The following INSR variants were observed in gnomAD, a reference collection of about 807,000 sequenced individuals.
INSR encodes the protein insulin receptor.
Under a neutral mutation model 142.6 loss-of-function variants are expected in INSR, and 67 were observed. That is an observed-to-expected ratio of 0.47 (90% CI 0.39 to 0.58). The LOEUF (loss-of-function observed/expected upper bound fraction) is 0.58, where lower values mean the gene tolerates loss of function less well. Among genes scored for constraint, INSR ranks in the 20% least tolerant of loss-of-function variants. The pLI is 0.00. For synonymous variants in INSR, 756 were observed against 743.1 expected, an observed-to-expected ratio of 1.02 and a Z score of -0.28; for missense variants, 1,248 against 1,833.2, an observed-to-expected ratio of 0.68 and a Z score of 5.83.
intron 1 of INSR, among the ~76,000 whole-genome samples, chr19:7,276,391 C>T (rs924909551): frequency 3.3e-5 from 5 of 152,102 alleles, no homozygotes; most frequent in African/African-American, 1.2e-4. Context: ...AGCAGTCCTG[C>T]GTCGGCCTCC....
chr19:7,164,009 G>C (rs1349421028), intron 8 of INSR, among the ~76,000 whole-genome samples: 1 of 140,372 alleles, frequency 7.1e-6, no homozygotes, highest in Non-Finnish European at 1.5e-5. Context: ...TGAGGCAGGA[G>C]AATCTTGAAC....
intron 2 of INSR, among the ~76,000 whole-genome samples, chr19:7,265,625 C>G (rs944510924): frequency 2.6e-5 from 4 of 151,612 alleles, no homozygotes; most frequent in African/African-American, 9.7e-5. Flanking sequence ...ATCCCAGCTA[C>G]TTGGGAGGCT....
rs1972806622 is a variant in INSR at position 7,132,307 on chromosome 19, A to C, written c.2693T>G (p.Leu898Arg). Residue 898 changes from leucine to arginine, a missense_variant, in exon 14 of 22, where the codon CTC becomes CGC. Physicochemically the swap from Leu to Arg is moderately radical, Grantham distance 102. Around this residue, in one of 3 missense-constraint regions of INSR, gnomAD observed 1,069 missense variants for 1,654.0 expected, o/e 0.65. Transcript: ENST00000302850. The stretch of plus-strand genomic sequence containing the variant: ...AGCGAAGTGCTTGCGGGAGACGCAG[A>C]GATGCAGCTCCTGGGAGGAAGAGAG... ...YRRYGDEELH[L>R]CVSRKHFALE... The C allele has an allele frequency of 6.2e-7, 1 of 1,613,926 alleles. No individual in the cohort carries two copies. The highest frequency in any genetic ancestry group is 8.5e-7 in the Non-Finnish European group (1 of 1,180,014).
intron 3 of INSR, among the ~76,000 whole-genome samples, chr19:7,180,815 G>A (rs1466505772): frequency 6.6e-6 from 1 of 152,142 alleles, no homozygotes; most frequent in African/African-American, 2.4e-5. Context: ...CGGCCAGGGG[G>A]CACCGGAATG....
At position 7,237,185 on chromosome 19, in the gene INSR, T is replaced by C. The variant is rs191977046; in HGVS notation, c.652+30160A>G. Among the ~76,000 whole-genome samples the C allele has an allele frequency of 1.3e-3, 202 of 152,038 alleles. 2 individuals carry two copies. The highest frequency in any genetic ancestry group is 4.5e-3 in the African/African-American group (188 of 41,496). On this transcript the variant is annotated intron_variant, in intron 2 of 21. Coordinates refer to ENST00000302850, the MANE Select transcript of INSR (RefSeq NM_000208.4). Reference sequence around the variant, plus strand: ...ATCACCACGAAATAATTTACTCATATAACCAAATACCACCTGTTCCCCCAA... The same window carrying C: ...ATCACCACGAAATAATTTACTCATACAACCAAATACCACCTGTTCCCCCAA...
chr19:7,153,708 AC>A (rs750783239), intron 9 of INSR, among the ~76,000 whole-genome samples: 8 of 151,932 alleles, frequency 5.3e-5, no homozygotes, highest in Non-Finnish European at 1.2e-4. Context: ...ACAGAGTAGA[AC>A]CCTGTCTCAA....
rs1335108914 is a variant in INSR, at chr19:7,123,000, A to G, written c.3259-11T>C. On this transcript the variant is annotated splice_polypyrimidine_tract_variant and intron_variant, in intron 17 of 21. Coordinates refer to ENST00000302850, the MANE Select transcript of INSR (RefSeq NM_000208.4). Reference sequence around the variant, plus strand: ...TCCCAGGAGGCGCACCTGCAGAGCAAGCAACCAGGGTTCTTGGAGGAGGGT... The same window carrying G: ...TCCCAGGAGGCGCACCTGCAGAGCAGGCAACCAGGGTTCTTGGAGGAGGGT... 6.3e-7 allele frequency: 1 copy of G among 1,581,890 alleles called. No homozygotes were observed. Among genetic ancestry groups the G allele is most frequent in the South Asian group, 1.1e-5 (1 of 87,338 alleles).
intron 3 of INSR, among the ~76,000 whole-genome samples, chr19:7,181,530 G>C (rs954481147): frequency 6.6e-6 from 1 of 151,146 alleles, no homozygotes; most frequent in Non-Finnish European, 1.5e-5. Context: ...ATCCCAGCAG[G>C]TACTTTGGAA....
chr19:7,119,732 G>T lies in INSR; in HGVS notation c.3660-149C>A. The T allele has an allele frequency of 1.2e-6, 1 of 848,254 alleles. No individual in the cohort carries two copies. The highest frequency in any genetic ancestry group is 1.9e-6 in the Non-Finnish European group (1 of 523,394). 52.5% of individuals were successfully genotyped at this position (848,254 alleles called of 1,614,324 possible). ...CAAACACACACATGCAAACACACAC[G>T]CACATACACGTGCACACACATGCAA... On this transcript the variant is annotated intron_variant, in intron 20 of 21. Transcript: ENST00000302850. The surrounding 1 kb of genome is among the most constrained non-coding windows in gnomAD (Gnocchi z 5.2).
At chr19:7,219,691 AAAAAG>A (rs1975553757) in intron 2 of INSR, among the ~76,000 whole-genome samples, 1 of 152,190 alleles carries the variant, frequency 6.6e-6, no homozygotes, top group Admixed American at 6.5e-5. Context: ...GAAAATGAAA[AAAAAG>A]AAAAGAACGA....
intron 13 of INSR, among the ~76,000 whole-genome samples, chr19:7,134,786 T>C (rs1461384808): frequency 6.6e-6 from 1 of 151,936 alleles, no homozygotes; most frequent in African/African-American, 2.4e-5. Flanking sequence ...AAATGTGGTA[T>C]ACTTTGCCTC....
At chr19:7,224,918 T>A (rs1975733313) in intron 2 of INSR, among the ~76,000 whole-genome samples, 1 of 129,376 alleles carries the variant, frequency 7.7e-6, no homozygotes, top group Admixed American at 9.4e-5. Flanking sequence ...CCAAACTGCA[T>A]CAGAGGTGGG....
chr19:7,277,825 C>T (rs1488879778), intron 1 of INSR, among the ~76,000 whole-genome samples: 2 of 149,898 alleles, frequency 1.3e-5, no homozygotes, highest in Non-Finnish European at 3.0e-5. Flanking sequence ...GACACGGTGG[C>T]TCACGCCTGT....
chr19:7,247,223 G>A lies in INSR; in HGVS notation c.652+20122C>T, dbSNP rs559496724. Among the ~76,000 whole-genome samples, 54 of 152,202 alleles carry A rather than the reference G, an allele frequency of 3.5e-4. No individual in the cohort carries two copies. The South Asian group carries it at 0.011, about 30-fold the overall frequency. On this transcript the variant is annotated intron_variant, in intron 2 of 21. Coordinates refer to ENST00000302850, the MANE Select transcript of INSR (RefSeq NM_000208.4). ...AACTCAGGCTGGGGTTCTCTCCCAC[G>A]GCCCCTTCCCCATCCTTAATCCACT...
At chr19:7,254,188 GC>G (rs1308796269) in intron 2 of INSR, among the ~76,000 whole-genome samples, 1 of 151,946 alleles carries the variant, frequency 6.6e-6, no homozygotes, top group Non-Finnish European at 1.5e-5. Flanking sequence ...GGGCAACATA[GC>G]AAAATCCCCA....
intron 2 of INSR, among the ~76,000 whole-genome samples, chr19:7,186,968 G>A (rs888147088): frequency 6.6e-6 from 1 of 151,742 alleles, no homozygotes; most frequent in African/African-American, 2.4e-5. Context: ...CTCCCAAAGT[G>A]CAGGGATTAC....
At chr19:7,214,452 A>G (rs552017504) in intron 2 of INSR, among the ~76,000 whole-genome samples, 2 of 152,344 alleles carry the variant, frequency 1.3e-5, no homozygotes, top group South Asian at 4.1e-4. Context: ...AGCCTTCCCA[A>G]GGTCACCAAG....
At chr19:7,139,267 T>C (rs1306263872) in intron 13 of INSR, among the ~76,000 whole-genome samples, 1 of 152,202 alleles carries the variant, frequency 6.6e-6, no homozygotes, top group East Asian at 1.9e-4. Flanking sequence ...ATGTCCTTTG[T>C]TTTAAACCAG....
At chr19:7,170,773 C>G (rs1447261154) in intron 5 of INSR, 22 bp from the exon 6 acceptor site, 1 of 1,574,748 alleles carries the variant, frequency 6.4e-7, no homozygotes, top group East Asian at 2.2e-5. Context: ...ACACACACAT[C>G]TAGTCATTCA....
Sources: gnomAD v4.1 joint callset for allele counts (sites outside exome capture counted in the v4.1 genomes callset) on GRCh38, gnomAD v4.1.1 for gene constraint, gnomAD v4.1.1 regional missense constraint, Gnocchi (gnomAD v3.1) non-coding constraint, MANE v1.5 for transcripts, NCBI Gene and HGNC (gene_info 2026-07-23, HGNC 2026-07-21) for gene names.